PLEKHA7: variants seen among roughly 807,000 people sequenced by gnomAD.
PLEKHA7 encodes the protein pleckstrin homology domain-containing family A member 7.
In PLEKHA7, 104 loss-of-function variants were observed where a neutral mutation model predicts 170.0. That is an observed-to-expected ratio of 0.61 (90% CI 0.52 to 0.72). The LOEUF is 0.72. PLEKHA7 is among the 30% of genes least tolerant of loss of function. PLEKHA7 has a pLI of 0.00. For missense variants in PLEKHA7, 1,615 were observed against 1,671.7 expected (o/e 0.97, Z 0.59); for synonymous variants, 648 against 660.8 (o/e 0.98, Z 0.30).
intron 4 of PLEKHA7, among the ~76,000 whole-genome samples, chr11:16,861,193 T>G (rs1853916462): frequency 6.6e-6 from 1 of 152,128 alleles, no homozygotes; most frequent in African/African-American, 2.4e-5. Flanking sequence ...TCTGGAGGAC[T>G]GAGTTCCCAT....
At chr11:16,879,416 C>T (rs896558663) in intron 3 of PLEKHA7, among the ~76,000 whole-genome samples, 1 of 152,184 alleles carries the variant, frequency 6.6e-6, no homozygotes, top group Non-Finnish European at 1.5e-5. Context: ...TTCAGCAGCA[C>T]CATGCATCAC....
chr11:16,801,917 C>T, intron 15 of PLEKHA7, 100 bp from the exon 16 acceptor site: 1 of 1,449,162 alleles, frequency 6.9e-7, no homozygotes, highest in Non-Finnish European at 9.5e-7. Flanking sequence ...CTAACCAAGG[C>T]CGAAGGGATC....
intron 26 of PLEKHA7, 47 bp downstream of exon 26, chr11:16,782,707 T>C: frequency 6.5e-7 from 1 of 1,530,834 alleles, no homozygotes; most frequent in Non-Finnish European, 8.7e-7. Flanking sequence ...AGCCCACAGG[T>C]GCAGTGGGGC....
intron 3 of PLEKHA7, among the ~76,000 whole-genome samples, chr11:16,937,522 A>G (rs1392010783): frequency 6.6e-6 from 1 of 152,238 alleles, no homozygotes; most frequent in Non-Finnish European, 1.5e-5. Context: ...GACAAAGAAG[A>G]AAGTTGAAGA....
chr11:16,827,958 C>G, intron 9 of PLEKHA7, among the ~76,000 whole-genome samples: 1 of 152,060 alleles, frequency 6.6e-6, no homozygotes, highest in East Asian at 1.9e-4. Context: ...GTGGCCACAC[C>G]CCAGGTGTCT....
At chr11:16,803,445 C>T (rs966753719) in intron 13 of PLEKHA7, 150 bp from the exon 14 acceptor site, 7 of 728,894 alleles carry the variant, frequency 9.6e-6, no homozygotes, top group Admixed American at 7.9e-5. Context: ...TTGGGCCATA[C>T]TTCGCTATTT....
chr11:16,805,789 C>CAAAAAAAAAAAAAAAA (rs11339921), intron 13 of PLEKHA7, among the ~76,000 whole-genome samples: 5 of 111,214 alleles, frequency 4.5e-5, no homozygotes, highest in African/African-American at 1.8e-4. Context: ...GACTCCATGT[C>CAAAAAAAAAAAAAAAA]AAAAAAAAAA....
chr11:16,908,512 T>TTC (rs1858020435), intron 3 of PLEKHA7, among the ~76,000 whole-genome samples: 1 of 151,764 alleles, frequency 6.6e-6, no homozygotes, highest in Admixed American at 6.5e-5. Flanking sequence ...TTTTTTTTTT[T>TTC]CAAGACAGAG....
chr11:16,832,700 C>A (rs1431173511), intron 9 of PLEKHA7, among the ~76,000 whole-genome samples: 2 of 152,176 alleles, frequency 1.3e-5, no homozygotes, highest in Non-Finnish European at 2.9e-5. Context: ...TGATGTCCAA[C>A]ACAGCCTTTC....
chr11:16,801,931 G>A (rs1590165330), intron 15 of PLEKHA7, 114 bp from the exon 16 acceptor site: 23 of 1,308,962 alleles, frequency 1.8e-5, no homozygotes, highest in South Asian at 1.6e-4. Context: ...AGGGATCAGC[G>A]CTGAGATGTG....
chr11:16,871,805 TGTAG>T (rs1854875497), intron 3 of PLEKHA7, among the ~76,000 whole-genome samples: 1 of 152,106 alleles, frequency 6.6e-6, no homozygotes, highest in African/African-American at 2.4e-5. Context: ...ACACAAAGTG[TGTAG>T]GTGTTTTGTG....
At chr11:16,943,865 C>G (rs746714077) in intron 3 of PLEKHA7, among the ~76,000 whole-genome samples, 31 of 152,192 alleles carry the variant, frequency 2.0e-4, no homozygotes, top group Admixed American at 4.6e-4. Context: ...CCTTGGGTTC[C>G]CAAAGTGCAT....
intron 3 of PLEKHA7, among the ~76,000 whole-genome samples, chr11:16,985,036 C>G (rs1010056531): frequency 6.6e-6 from 1 of 152,200 alleles, no homozygotes. Context: ...TCCGGATATC[C>G]TATACCATAA....
chr11:16,958,275 C>T (rs565687851), intron 3 of PLEKHA7, among the ~76,000 whole-genome samples: 102 of 152,136 alleles, frequency 6.7e-4, no homozygotes, highest in African/African-American at 2.3e-3. Flanking sequence ...CATAATCACA[C>T]CACTGCATTC....
At chr11:16,962,168 A>T (rs560474726) in intron 3 of PLEKHA7, among the ~76,000 whole-genome samples, 1 of 152,322 alleles carries the variant, frequency 6.6e-6, no homozygotes, top group Non-Finnish European at 1.5e-5. Context: ...CATGGTGGCA[A>T]AGTGCTAGAG....
At chr11:16,978,420 G>A (rs535332353) in intron 3 of PLEKHA7, among the ~76,000 whole-genome samples, 1 of 152,292 alleles carries the variant, frequency 6.6e-6, no homozygotes, top group South Asian at 2.1e-4. Context: ...TCAATCACAG[G>A]GAAAGAGGTG....
intron 6 of PLEKHA7, among the ~76,000 whole-genome samples, chr11:16,853,789 C>T (rs1853189497): frequency 6.6e-6 from 1 of 152,106 alleles, no homozygotes; most frequent in Admixed American, 6.5e-5. Flanking sequence ...ACGGTGGTAC[C>T]AGGAGTGTCC....
In PLEKHA7 at chr11:16,827,787, G is replaced by A. The variant is rs181699680; in HGVS notation, c.873-1197C>T. Reference sequence around the variant, plus strand: ...ATGGACTAGAAAAAATAACAAAGACGTTTACTTAGATGGGGCAGCTGGTTT... The same window carrying A: ...ATGGACTAGAAAAAATAACAAAGACATTTACTTAGATGGGGCAGCTGGTTT... On this transcript the variant is annotated intron_variant, in intron 9 of 26. Coordinates refer to ENST00000531066, the MANE Select transcript of PLEKHA7 (RefSeq NM_001329630.2). 1.3e-4 allele frequency among the ~76,000 whole-genome samples: 19 copies of A among 143,390 alleles called. 1 individual carries two copies. In the Middle Eastern group the frequency reaches 0.026, roughly 193 times the overall value. 94.1% of individuals were successfully genotyped at this position (143,390 alleles called of 152,430 possible).
intron 3 of PLEKHA7, among the ~76,000 whole-genome samples, chr11:16,941,867 A>G (rs1860715662): frequency 6.6e-6 from 1 of 152,372 alleles, no homozygotes; most frequent in South Asian, 2.1e-4. Context: ...CCAGTGCACA[A>G]GCATGGGTAA....
Sources: allele counts gnomAD v4.1 joint callset (sites outside exome capture counted in the v4.1 genomes callset), GRCh38; gene constraint gnomAD v4.1.1; transcripts MANE v1.5; gene names NCBI Gene and HGNC (gene_info 2026-07-23, HGNC 2026-07-21).